The following CACNA1A variants were observed in gnomAD, a reference collection of about 807,000 sequenced individuals.
CACNA1A encodes the protein voltage-dependent P/Q-type calcium channel subunit alpha-1A.
A neutral mutation model predicts 262.4 loss-of-function variants in CACNA1A; 57 were observed. That is an observed-to-expected ratio of 0.22 (90% CI 0.18 to 0.27). CACNA1A has a LOEUF of 0.27. Among genes scored for constraint, CACNA1A ranks in the 10% least tolerant of loss-of-function variants. The pLI is 1.00. For synonymous variants in CACNA1A, 1,431 were observed against 1,419.3 expected, an observed-to-expected ratio of 1.01 and a Z score of -0.18; for missense variants, 2,526 against 3,562.8, an observed-to-expected ratio of 0.71 and a Z score of 7.41.
At chr19:13,259,759 T>C (rs2056679428) in intron 26 of CACNA1A, 58 bp from the exon 27 acceptor site, 18 of 1,581,044 alleles carry the variant, frequency 1.1e-5, no homozygotes, top group Non-Finnish European at 1.6e-5. Flanking sequence ...CTTGCACTTG[T>C]CTTTGGTTAT....
intron 3 of CACNA1A, among the ~76,000 whole-genome samples, chr19:13,385,980 G>T (rs1019363897): frequency 6.6e-6 from 1 of 151,670 alleles, no homozygotes; most frequent in African/African-American, 2.4e-5. Context: ...AACATAAAGA[G>T]ACCCCATCTC....
intron 30 of CACNA1A, among the ~76,000 whole-genome samples, chr19:13,251,205 C>T (rs1004523745): frequency 5.3e-5 from 8 of 150,410 alleles, no homozygotes; most frequent in African/African-American, 9.8e-5. Context: ...CTGAGTAGGC[C>T]GGGTGCGGTG....
intron 37 of CACNA1A, chr19:13,226,913 C>G (rs1381565096): frequency 6.6e-6 from 1 of 152,458 alleles, no homozygotes; most frequent in Non-Finnish European, 1.5e-5. Context: ...CTTGGAAGGT[C>G]TCGAATCCCC....
intron 1 of CACNA1A, among the ~76,000 whole-genome samples, chr19:13,476,312 G>A (rs182531730): frequency 1.0e-3 from 157 of 152,196 alleles, no homozygotes; most frequent in African/African-American, 3.5e-3. Flanking sequence ...CCACCCTCCC[G>A]GCCAGCAGGT....
At chr19:13,330,929 A>G (rs7260185) in intron 9 of CACNA1A, among the ~76,000 whole-genome samples, 35,874 of 152,056 alleles carry the variant, frequency 0.24, 4,559 homozygotes, top group East Asian at 0.44. Flanking sequence ...TCTTATGAAA[A>G]CAGTCCACCC....
chr19:13,228,379 G>A (rs1435283278), intron 36 of CACNA1A, among the ~76,000 whole-genome samples: 1 of 151,822 alleles, frequency 6.6e-6, no homozygotes, highest in Non-Finnish European at 1.5e-5. Flanking sequence ...GGGGAGAAAT[G>A]CAAAGTTACA....
chr19:13,337,551 C>T (rs907679415), intron 6 of CACNA1A, among the ~76,000 whole-genome samples: 1 of 152,110 alleles, frequency 6.6e-6, no homozygotes, highest in African/African-American at 2.4e-5. Flanking sequence ...ATGGCAAAAC[C>T]TTTACATGTG....
intron 7 of CACNA1A, among the ~76,000 whole-genome samples, chr19:13,334,842 C>G (rs928443175): frequency 6.6e-6 from 1 of 151,868 alleles, no homozygotes; most frequent in African/African-American, 2.4e-5. Context: ...TGAGACCAGC[C>G]TGGACAACAC....
rs962294174 is a variant in CACNA1A, at chr19:13,207,916, G to T, written c.6918C>A (p.Ala2306=). Residue 2306 remains alanine (A), a synonymous_variant, in exon 47 of 47, where the codon GCC becomes GCA. Transcript: ENST00000360228. This position sits in a 1 kb window ranked among gnomAD's most constrained non-coding sequence, Gnocchi z 5.7. ...GCTGCTGCGGGGGCCCCGAGCCGCC[G>T]GCCTTACGGATCACAGGGGAATAGG... ...HVSYSPVIRK[A]GGSGPPQQQQ... The T allele has an allele frequency of 6.8e-7, 1 of 1,465,586 alleles. No homozygotes were observed. Among genetic ancestry groups the T allele is most frequent in the East Asian group, 2.8e-5 (1 of 35,428 alleles). The allele number at this position is 1,465,586 out of a possible 1,614,324, so 90.8% of individuals were successfully genotyped here. A position where few individuals can be genotyped will look rare whatever the true frequency, so the allele number is the denominator to read the frequency against.
chr19:13,465,476 TTTTTG>T (rs555429935), intron 1 of CACNA1A, among the ~76,000 whole-genome samples: 59 of 152,080 alleles, frequency 3.9e-4, no homozygotes, highest in African/African-American at 1.4e-3. Context: ...AGCATCAACT[TTTTTG>T]TTTTGTTTTG....
At position 13,321,970 on chromosome 19, in the gene CACNA1A, G is replaced by A. The variant is rs185605969; in HGVS notation, c.1346-4649C>T. On this transcript the variant is annotated intron_variant, in intron 10 of 46. Coordinates refer to ENST00000360228, the MANE Select transcript of CACNA1A (RefSeq NM_001127222.2). ...CGTAATCCCAACACTTTGGGAGGCC[G>A]AGATGGGCAGATCGTAAGGTCAGGA... Among the ~76,000 whole-genome samples, 67 of 152,252 alleles carry A rather than the reference G, an allele frequency of 4.4e-4. 1 individual carries two copies. In the East Asian group the frequency reaches 9.6e-3, roughly 22 times the overall value.
At chr19:13,250,723 A>G (rs1009167138) in intron 30 of CACNA1A, among the ~76,000 whole-genome samples, 1 of 152,172 alleles carries the variant, frequency 6.6e-6, no homozygotes, top group African/African-American at 2.4e-5. Context: ...TGTGCTATGA[A>G]CCTTGGCCAT....
In CACNA1A at chr19:13,319,957, T is replaced by C. The variant is rs183250035; in HGVS notation, c.1346-2636A>G. Among the ~76,000 whole-genome samples, 61 of 152,172 alleles carry C rather than the reference T, an allele frequency of 4.0e-4. No homozygotes were observed. The East Asian group carries it at 8.9e-3, about 22-fold the overall frequency. On this transcript the variant is annotated intron_variant, in intron 10 of 46. Coordinates refer to ENST00000360228, the MANE Select transcript of CACNA1A (RefSeq NM_001127222.2). Reference sequence around the variant, plus strand: ...CGCCACATTGCACACCTGGGGCATATGGTCATGGGGCAGGGGCACATTCCA... The same window carrying C: ...CGCCACATTGCACACCTGGGGCATACGGTCATGGGGCAGGGGCACATTCCA...
intron 3 of CACNA1A, among the ~76,000 whole-genome samples, chr19:13,388,621 G>T (rs919076047): frequency 5.9e-5 from 9 of 152,070 alleles, no homozygotes; most frequent in Non-Finnish European, 1.2e-4. Flanking sequence ...GCTCTCCTCA[G>T]GTTACGGGAT....
intron 3 of CACNA1A, among the ~76,000 whole-genome samples, chr19:13,420,819 AC>A (rs2060305019): frequency 2.0e-5 from 3 of 152,158 alleles, no homozygotes; most frequent in Non-Finnish European, 4.4e-5. Context: ...CTGGAAAAGA[AC>A]CCCTTATCAG....
intron 3 of CACNA1A, among the ~76,000 whole-genome samples, chr19:13,432,683 A>G (rs1338564759): frequency 6.6e-6 from 1 of 151,016 alleles, no homozygotes; most frequent in South Asian, 2.1e-4. Flanking sequence ...GTAATATACA[A>G]CATAAGGTAT....
At position 13,336,594 on chromosome 19, in the gene CACNA1A, G is replaced by GGAGAGAGA. The variant is rs547329827; in HGVS notation, c.979-693_979-686dup. The stretch of plus-strand genomic sequence containing the variant: ...GAGAAAGAGAGACAGAGAGAGAGAG[G>GGAGAGAGA]GAGAGAGAGAGAGAGAGAGAGAGAG... On this transcript the variant is annotated intron_variant, in intron 6 of 46. Coordinates refer to ENST00000360228, the MANE Select transcript of CACNA1A (RefSeq NM_001127222.2). 8.0e-3 allele frequency among the ~76,000 whole-genome samples: 526 copies of GGAGAGAGA among 65,474 alleles called. 14 individuals carry two copies. The highest frequency in any genetic ancestry group is 9.5e-3 in the African/African-American group (186 of 19,526). 43.0% of individuals were successfully genotyped at this position (65,474 alleles called of 152,430 possible).
At position 13,234,976 on chromosome 19, in the gene CACNA1A, T is replaced by C. The variant is rs771689155; in HGVS notation, c.5194A>G (p.Ile1732Val). 1 of 1,613,912 alleles carries C rather than the reference T, an allele frequency of 6.2e-7. No individual in the cohort carries two copies. Among genetic ancestry groups the C allele is most frequent in the Non-Finnish European group, 8.5e-7 (1 of 1,179,818 alleles). ...GTCCGGAAGTTATTGTGCTCAGTGATTTGGAACTCATCTTCATCACTGTCC... is the reference window on the plus strand; with the variant it reads ...GTCCGGAAGTTATTGTGCTCAGTGACTTGGAACTCATCTTCATCACTGTCC... Reference protein sequence around the residue: ...DEDSDEDEFQITEHNNFRTFF... With the variant: ...DEDSDEDEFQVTEHNNFRTFF... Residue 1732 changes from isoleucine to valine, a missense_variant, in exon 34 of 47, where the codon ATC (isoleucine) becomes GTC (valine). This residue lies in a region of CACNA1A where 17 missense variants were observed against 16.5 expected (regional missense o/e 1.03). Transcript: ENST00000360228.
Position 13,386,933 on chromosome 19 carries a change from G to A in CACNA1A, c.540-15154C>T, listed in dbSNP as rs118127339. 5.0e-3 allele frequency among the ~76,000 whole-genome samples: 768 copies of A among 152,200 alleles called. 5 individuals carry two copies. The highest frequency in any genetic ancestry group is 0.027 in the Middle Eastern group (8 of 294). On this transcript the variant is annotated intron_variant, in intron 3 of 46. Coordinates refer to ENST00000360228, the MANE Select transcript of CACNA1A (RefSeq NM_001127222.2). ...ATTGTTGAGCCAAGGAACCAACCCT[G>A]CAACCAACCTCCTGGCCTCCAGACT... is the stretch of plus-strand genomic sequence containing the variant.
Sources: gnomAD v4.1 joint callset for allele counts (sites outside exome capture counted in the v4.1 genomes callset) on GRCh38, gnomAD v4.1.1 for gene constraint, gnomAD v4.1.1 regional missense constraint, Gnocchi (gnomAD v3.1) non-coding constraint, MANE v1.5 for transcripts, NCBI Gene and HGNC (gene_info 2026-07-23, HGNC 2026-07-21) for gene names.